NID2: variants seen among roughly 807,000 people sequenced by gnomAD.
NID2 encodes the protein nidogen-2.
Under a neutral mutation model 145.4 loss-of-function variants are expected in NID2, and 83 were observed. The ratio of observed to expected loss-of-function variants is 0.57; its 90% CI spans 0.48 to 0.69. The LOEUF (loss-of-function observed/expected upper bound fraction) is 0.69, where lower values mean the gene tolerates loss of function less well. Among genes scored for constraint, NID2 ranks in the 30% least tolerant of loss-of-function variants. NID2 has a pLI of 0.00. For missense variants in NID2, 1,807 were observed against 1,765.7 expected (o/e 1.02, Z -0.42); for synonymous variants, 739 against 701.3 (o/e 1.05, Z -0.85).
chr14:52,027,426 C>A, intron 11 of NID2, 82 bp from the exon 12 acceptor site: 1 of 1,238,874 alleles, frequency 8.1e-7, no homozygotes, highest in Non-Finnish European at 1.1e-6. Context: ...GATCCACAGA[C>A]CAACAGCAAC....
At chr14:52,005,980 A>AGCCATACTGAAGTTTG in intron 20 of NID2, 131 bp from the exon 21 acceptor site, 1 of 663,118 alleles carries the variant, frequency 1.5e-6, no homozygotes. Context: ...CTGGTGCTAA[A>AGCCATACTGAAGTTTG]GCCATACTGA....
chr14:52,041,286 T>C lies in NID2; in HGVS notation c.1826-435A>G, dbSNP rs539782558. 5.9e-5 allele frequency among the ~76,000 whole-genome samples: 9 copies of C among 152,280 alleles called. No individual in the cohort carries two copies. The East Asian group carries it at 1.4e-3, about 23-fold the overall frequency. ...TGTGGGTAATACTTATACTAGAAAA[T>C]TGTTTATCTGAAATACAAATTTATC... On this transcript the variant is annotated intron_variant, in intron 7 of 21. Coordinates refer to ENST00000216286, the MANE Select transcript of NID2 (RefSeq NM_007361.4).
chr14:52,013,248 G>T (rs1232110860), intron 16 of NID2, among the ~76,000 whole-genome samples: 1 of 152,142 alleles, frequency 6.6e-6, no homozygotes, highest in Non-Finnish European at 1.5e-5. Flanking sequence ...TCCTGGTCAG[G>T]GGCATGTTCA....
chr14:52,041,912 T>C (rs990979578), intron 7 of NID2, among the ~76,000 whole-genome samples, 193 bp downstream of exon 7: 1 of 152,246 alleles, frequency 6.6e-6, no homozygotes, highest in Non-Finnish European at 1.5e-5. Context: ...ACGAAATCAC[T>C]GCCTTTCAAA....
Position 52,005,821 on chromosome 14 carries a change from T to TG in NID2, c.4032_4033insC (p.Ser1345GlnfsTer6). On this transcript the variant is annotated frameshift_variant, in exon 21 of 22. Transcript: ENST00000216286. LOFTEE classifies it high-confidence loss of function. ...AGATACTCATCAGTAAACTGGCCAC[T>TG]ATGTTTATTTACTGATACAACACCA... The TG allele has an allele frequency of 6.2e-7, 1 of 1,613,064 alleles. No individual in the cohort carries two copies. Among genetic ancestry groups the TG allele is most frequent in the Non-Finnish European group, 8.5e-7 (1 of 1,179,044 alleles).
chr14:52,028,402 G>GT (rs1891671042), intron 11 of NID2, among the ~76,000 whole-genome samples: 1 of 152,056 alleles, frequency 6.6e-6, no homozygotes, highest in Admixed American at 6.5e-5. Context: ...AGCCTCCTGA[G>GT]TAGCTGGGAC....
intron 14 of NID2, among the ~76,000 whole-genome samples, chr14:52,016,710 G>A (rs976609340): frequency 6.6e-6 from 1 of 152,164 alleles, no homozygotes; most frequent in Admixed American, 6.5e-5. Context: ...TCCAAAACCA[G>A]TGTAAATTCA....
intron 5 of NID2, among the ~76,000 whole-genome samples, chr14:52,049,468 G>A (rs1173825433): frequency 2.0e-5 from 3 of 151,974 alleles, no homozygotes; most frequent in Non-Finnish European, 4.4e-5. Context: ...GAGGTTCCAT[G>A]GTGTCGACTG....
intron 12 of NID2, among the ~76,000 whole-genome samples, chr14:52,021,958 T>G (rs967604301): frequency 6.6e-6 from 1 of 152,148 alleles, no homozygotes; most frequent in Non-Finnish European, 1.5e-5. Flanking sequence ...CCTGTAAAAA[T>G]TAACATTCAG....
rs759862862 is a variant in NID2, at chr14:52,011,618, A to G, written c.3486T>C (p.Ala1162=). 3 of 1,614,116 alleles carry G rather than the reference A, an allele frequency of 1.9e-6. No individual in the cohort carries two copies. The highest frequency in any genetic ancestry group is 3.3e-5 in the Admixed American group (2 of 60,012). Residue 1162 remains alanine, a synonymous_variant, in exon 17 of 22, where the codon GCT becomes GCC. Coordinates refer to ENST00000216286, the MANE Select transcript of NID2 (RefSeq NM_007361.4). ...RERMVYWTDV[A]GRTISRAGLE... ...GACCAGCACGGCTGATTGTCCGTCC[A>G]GCAACATCTGTCCAGTACACCATCC...
chr14:52,039,074 A>C, intron 8 of NID2, 97 bp from the exon 9 acceptor site: 1 of 873,696 alleles, frequency 1.1e-6, no homozygotes, highest in Non-Finnish European at 1.7e-6. Flanking sequence ...TAATTCTTGG[A>C]GTGTGTTCCC....
chr14:52,046,630 G>A lies in NID2; in HGVS notation c.1430-3699C>T, dbSNP rs915563147. On this transcript the variant is annotated intron_variant, in intron 5 of 21. Transcript: ENST00000216286. ...CAACTTACAAGTGCAACTGTGCAAA[G>A]GTTTATAAATAGATTGGAAGCTGTA... 3.3e-5 allele frequency among the ~76,000 whole-genome samples: 5 copies of A among 152,256 alleles called. No homozygotes were observed. In the South Asian group the frequency reaches 6.2e-4, roughly 19 times the overall value.
Position 52,005,246 on chromosome 14 carries a change from GTTAAAATTCTGTTACCT to G in NID2, c.*223_*239del. The G allele has an allele frequency of 2.6e-6, 1 of 380,182 alleles. No homozygotes were observed. Among genetic ancestry groups the G allele is most frequent in the Non-Finnish European group, 4.7e-6 (1 of 213,860 alleles). 23.6% of individuals were successfully genotyped at this position (380,182 alleles called of 1,614,324 possible). On this transcript the variant is annotated 3_prime_UTR_variant, in exon 22 of 22. Coordinates refer to ENST00000216286, the MANE Select transcript of NID2 (RefSeq NM_007361.4). ...CAAGAAGTTGCTTTAATAAGCAACA[GTTAAAATTCTGTTACCT>G]TTTTAAACTTGCAATAACAACCTTC... is the stretch of plus-strand genomic sequence containing the variant.
chr14:52,051,017 C>G (rs1235313436), intron 5 of NID2, among the ~76,000 whole-genome samples: 1 of 152,208 alleles, frequency 6.6e-6, no homozygotes, highest in Non-Finnish European at 1.5e-5. Context: ...CCAGAGCTCC[C>G]TGGAAACAAG....
At chr14:52,058,905 G>A (rs1208300009) in intron 3 of NID2, among the ~76,000 whole-genome samples, 1 of 151,824 alleles carries the variant, frequency 6.6e-6, no homozygotes. Flanking sequence ...GGAGAGTAAG[G>A]AACTGAGTTT....
At chr14:52,036,105 A>C (rs763840200) in intron 9 of NID2, among the ~76,000 whole-genome samples, 1 of 152,114 alleles carries the variant, frequency 6.6e-6, no homozygotes, top group Non-Finnish European at 1.5e-5. Flanking sequence ...CCGTCACCAC[A>C]ATCAATTTCA....
At chr14:52,065,482 TTTTA>T (rs60264924) in intron 2 of NID2, among the ~76,000 whole-genome samples, 119 of 133,022 alleles carry the variant, frequency 8.9e-4, no homozygotes, top group Middle Eastern at 3.8e-3. Flanking sequence ...CCCCTTTCTT[TTTTA>T]TTTATTTATT....
At chr14:52,057,331 C>T (rs1365303455) in intron 3 of NID2, among the ~76,000 whole-genome samples, 1 of 152,222 alleles carries the variant, frequency 6.6e-6, no homozygotes, top group Non-Finnish European at 1.5e-5. Context: ...CCACCTTGCC[C>T]AGCCTAACTT....
chr14:52,010,086 T>G (rs566828707), intron 18 of NID2: 1 of 152,332 alleles, frequency 6.6e-6, no homozygotes, highest in East Asian at 1.9e-4. Flanking sequence ...TTAATTCCTG[T>G]TAAGTCAACT....
Sources: gnomAD v4.1 joint callset for allele counts (sites outside exome capture counted in the v4.1 genomes callset) on GRCh38, gnomAD v4.1.1 for gene constraint, MANE v1.5 for transcripts, NCBI Gene and HGNC (gene_info 2026-07-23, HGNC 2026-07-21) for gene names.